Variants in NKAIN3 observed in about 807,000 individuals in gnomAD.
NKAIN3 encodes sodium/potassium transporting ATPase interacting 3.
In NKAIN3, 25 loss-of-function variants were observed where a neutral mutation model predicts 30.2. That is an observed-to-expected ratio of 0.83 (90% CI 0.60 to 1.16). NKAIN3 has a LOEUF of 1.16. NKAIN3 is among the 50% of genes most tolerant of loss of function. NKAIN3 has a pLI of 0.00. For missense variants in NKAIN3, 225 were observed against 254.1 expected, an observed-to-expected ratio of 0.89 and a Z score of 0.78; for synonymous variants, 91 against 89.6, an observed-to-expected ratio of 1.02 and a Z score of -0.09.
chr8:62,970,589 T>C lies in NKAIN3; in HGVS notation c.*5182T>C, dbSNP rs1823812984. Among the ~76,000 whole-genome samples, 1 of 150,796 alleles carries C rather than the reference T, an allele frequency of 6.6e-6. No homozygotes were observed. Among genetic ancestry groups the C allele is most frequent in the Non-Finnish European group, 1.5e-5 (1 of 67,776 alleles). The stretch of plus-strand genomic sequence containing the variant: ...GCTTAAACTTGAGAGCTAAGTTAAG[T>C]AAAAAGAAGAAAAGAATAGAAGGTA... On this transcript the variant is annotated 3_prime_UTR_variant, in exon 7 of 7. Transcript: ENST00000623646.
chr8:62,649,233 G>A lies in NKAIN3; in HGVS notation c.273+59439G>A, dbSNP rs1812555617. 2.6e-5 allele frequency among the ~76,000 whole-genome samples: 4 copies of A among 152,126 alleles called. No homozygotes were observed. In the South Asian group the frequency reaches 8.3e-4, roughly 32 times the overall value. On this transcript the variant is annotated intron_variant, in intron 3 of 6. Transcript: ENST00000623646. ...TTGTGGATTCCTGTGATTCTAGTAA[G>A]GTACTTTGATTTTCCTGTGGGAAAC...
intron 1 of NKAIN3, among the ~76,000 whole-genome samples, chr8:62,352,765 A>G (rs1200567999): frequency 6.6e-6 from 1 of 152,210 alleles, no homozygotes; most frequent in African/African-American, 2.4e-5. Context: ...ACAGGTGAGC[A>G]TGCGTGTCTC....
chr8:62,924,389 T>C (rs531926888), intron 5 of NKAIN3, among the ~76,000 whole-genome samples: 1 of 152,250 alleles, frequency 6.6e-6, no homozygotes, highest in East Asian at 1.9e-4. Context: ...TTTAAAGTCA[T>C]ATTATTCACC....
chr8:62,882,130 T>C (rs1821000737), intron 4 of NKAIN3, among the ~76,000 whole-genome samples: 1 of 152,178 alleles, frequency 6.6e-6, no homozygotes, highest in Non-Finnish European at 1.5e-5. Flanking sequence ...TAAGAGTTAT[T>C]TGTATATTTA....
chr8:62,380,627 G>A (rs1241595776), intron 1 of NKAIN3, among the ~76,000 whole-genome samples: 1 of 152,200 alleles, frequency 6.6e-6, no homozygotes, highest in African/African-American at 2.4e-5. Flanking sequence ...CTTGTTGTAG[G>A]AAAGTGGTAG....
At chr8:62,560,697 G>T (rs1189575444) in intron 1 of NKAIN3, among the ~76,000 whole-genome samples, 1 of 151,000 alleles carries the variant, frequency 6.6e-6, no homozygotes. Flanking sequence ...CCACCACCAC[G>T]CCTGGCTAAT....
At chr8:62,330,232 G>A (rs1815293837) in intron 1 of NKAIN3, among the ~76,000 whole-genome samples, 1 of 152,084 alleles carries the variant, frequency 6.6e-6, no homozygotes. Context: ...GGATGGGGGG[G>A]TGAGCTGGGA....
rs1489132220 is a variant in NKAIN3 at position 62,967,206 on chromosome 8, A to G, written c.*1799A>G. Among the ~76,000 whole-genome samples, 1 of 152,224 alleles carries G rather than the reference A, an allele frequency of 6.6e-6. No individual in the cohort carries two copies. Among genetic ancestry groups the G allele is most frequent in the East Asian group, 1.9e-4 (1 of 5,200 alleles). ...CCTAAGGGATTTGGTGAACTTGTCC[A>G]GAGCCTGTATCTGTACACAGGGGCA... On this transcript the variant is annotated 3_prime_UTR_variant, in exon 7 of 7. Coordinates refer to ENST00000623646, the MANE Select transcript of NKAIN3 (RefSeq NM_001304533.3).
At chr8:62,809,111 C>T (rs1377431861) in intron 4 of NKAIN3, among the ~76,000 whole-genome samples, 1 of 152,182 alleles carries the variant, frequency 6.6e-6, no homozygotes, top group Non-Finnish European at 1.5e-5. Context: ...TGGCTCCGTT[C>T]CGCCCAGCTC....
intron 1 of NKAIN3, among the ~76,000 whole-genome samples, chr8:62,468,157 A>G (rs1271105517): frequency 1.3e-5 from 2 of 152,204 alleles, no homozygotes; most frequent in African/African-American, 2.4e-5. Flanking sequence ...CTTAAGAAAT[A>G]TCATTTTATT....
chr8:62,885,051 T>C (rs1821104308), intron 4 of NKAIN3, among the ~76,000 whole-genome samples: 1 of 152,180 alleles, frequency 6.6e-6, no homozygotes, highest in Admixed American at 6.5e-5. Flanking sequence ...CTCTTCTTTT[T>C]CTAGTTTCCT....
chr8:62,987,795 G>C (rs547892991), downstream of NKAIN3, among the ~76,000 whole-genome samples: 1 of 152,138 alleles, frequency 6.6e-6, no homozygotes, highest in East Asian at 1.9e-4. Flanking sequence ...TCAAAACACA[G>C]TCATGCCTTC....
At chr8:62,460,961 A>C (rs866119367) in intron 1 of NKAIN3, among the ~76,000 whole-genome samples, 9 of 152,224 alleles carry the variant, frequency 5.9e-5, no homozygotes, top group African/African-American at 2.2e-4. Flanking sequence ...AAAAGCTTTG[A>C]GATATTTCTG....
At chr8:62,779,996 A>G (rs886156542) in intron 4 of NKAIN3, among the ~76,000 whole-genome samples, 1 of 152,084 alleles carries the variant, frequency 6.6e-6, no homozygotes, top group Non-Finnish European at 1.5e-5. Context: ...AACAATACAA[A>G]AGATCATTGA....
intron 1 of NKAIN3, among the ~76,000 whole-genome samples, chr8:62,397,851 G>A (rs1419471250): frequency 6.6e-6 from 1 of 152,154 alleles, no homozygotes; most frequent in Admixed American, 6.5e-5. Context: ...AAAGAGTTTG[G>A]ATGTGGGAAA....
intron 1 of NKAIN3, among the ~76,000 whole-genome samples, chr8:62,274,168 CTTA>C (rs1012262066): frequency 3.3e-5 from 5 of 152,014 alleles, no homozygotes; most frequent in African/African-American, 7.2e-5. Flanking sequence ...AAGCCTTAAA[CTTA>C]TTATTATTTG....
intron 3 of NKAIN3, among the ~76,000 whole-genome samples, chr8:62,643,443 T>C (rs944882905): frequency 6.6e-6 from 1 of 152,102 alleles, no homozygotes; most frequent in South Asian, 2.1e-4. Context: ...TGAATACCGA[T>C]GTGGAGAATT....
chr8:62,730,304 G>C (rs1332745374), intron 3 of NKAIN3, among the ~76,000 whole-genome samples: 1 of 151,914 alleles, frequency 6.6e-6, no homozygotes, highest in Non-Finnish European at 1.5e-5. Context: ...TGCCTGTTCT[G>C]TTCATATATT....
intron 1 of NKAIN3, among the ~76,000 whole-genome samples, chr8:62,362,719 G>A (rs1347851336): frequency 6.6e-6 from 1 of 152,212 alleles, no homozygotes; most frequent in African/African-American, 2.4e-5. Context: ...ATTGAGCAAT[G>A]AAGGATTCAA....
Sources: allele counts gnomAD v4.1 joint callset (sites outside exome capture counted in the v4.1 genomes callset), GRCh38; gene constraint gnomAD v4.1.1; transcripts MANE v1.5; gene names NCBI Gene and HGNC (gene_info 2026-07-23, HGNC 2026-07-21).